Variants in GSE1 observed in about 807,000 individuals in gnomAD.
The protein encoded by GSE1 is Gse1 coiled-coil protein, also known as genetic suppressor element 1.
GSE1 carries 32 observed loss-of-function variants against 112.6 expected under a neutral mutation model. The observed-to-expected ratio is 0.28, with a 90% CI of 0.21 to 0.38. The LOEUF (loss-of-function observed/expected upper bound fraction) is 0.38. Ranked by LOEUF, GSE1 falls within the 10% of genes least tolerant of loss-of-function variation. The probability of loss-of-function intolerance (pLI) is 1.00; values close to 1 mark genes in which losing one functional copy is unlikely to be tolerated. For synonymous variants in GSE1, 1,115 were observed against 735.6 expected, an observed-to-expected ratio of 1.52 and a Z score of -8.35; for missense variants, 2,348 against 1,699.2, an observed-to-expected ratio of 1.38 and a Z score of -6.71.
chr16:85,585,002 G>A (rs903383375), intron 1 of GSE1, among the ~76,000 whole-genome samples: 9 of 152,110 alleles, frequency 5.9e-5, no homozygotes, highest in African/African-American at 9.7e-5. Context: ...AGGGAAGTCC[G>A]AAGACCTCGT....
Position 85,656,387 on chromosome 16 carries a change from G to T in GSE1, c.1034G>T (p.Arg345Leu), listed in dbSNP as rs889603665. 6.4e-7 allele frequency: 1 copy of T among 1,563,814 alleles called. No homozygotes were observed. Among genetic ancestry groups the T allele is most frequent in the South Asian group, 1.1e-5 (1 of 87,520 alleles). ...EELRREREREREREREREADR... is the reference protein window; with the variant it reads ...EELRRERERELEREREREADR... ...CTAAGGCGGGAGAGGGAGCGCGAGC[G>T]CGAGCGCGAGCGTGAGCGTGAGGCT... The change falls in exon 7 of 16, where the codon CGC becomes CTC. Residue 345 changes from arginine (R) to leucine (L), a missense_variant. Coordinates refer to ENST00000253458, the MANE Select transcript of GSE1 (RefSeq NM_014615.5).
At position 85,591,855 on chromosome 16, in the gene GSE1, A is replaced by T. The variant is rs527805915; in HGVS notation, c.37+35492A>T. 2.0e-5 allele frequency among the ~76,000 whole-genome samples: 3 copies of T among 152,372 alleles called. No individual in the cohort carries two copies. The East Asian group carries it at 5.8e-4, about 29-fold the overall frequency. ...GTTCCTGGAGCTGACTTTCCGGAGCAGCGCTGTCTGCTGGAACATTCTACA... is the reference window on the plus strand; with the variant it reads ...GTTCCTGGAGCTGACTTTCCGGAGCTGCGCTGTCTGCTGGAACATTCTACA... On this transcript the variant is annotated intron_variant, in intron 1 of 2. Transcript: ENST00000635906.
intron 2 of GSE1, among the ~76,000 whole-genome samples, chr16:85,504,998 A>G (rs2051490650): frequency 6.9e-6 from 1 of 144,766 alleles, no homozygotes; most frequent in Admixed American, 7.0e-5. Context: ...CCTCGTCAGC[A>G]TCACATGTGC....
chr16:85,252,014 G>A (rs896389617), intron 1 of GSE1, among the ~76,000 whole-genome samples: 1 of 152,208 alleles, frequency 6.6e-6, no homozygotes. Context: ...AGAGAGGTGA[G>A]TCACTGCCTG....
intron 1 of GSE1, among the ~76,000 whole-genome samples, chr16:85,198,825 C>T (rs1199742586): frequency 6.6e-6 from 1 of 152,166 alleles, no homozygotes; most frequent in Non-Finnish European, 1.5e-5. Flanking sequence ...GTCGCCCAGG[C>T]TGGAGTACAG....
chr16:85,413,893 G>C (rs557255245), intron 2 of GSE1, among the ~76,000 whole-genome samples: 3 of 152,184 alleles, frequency 2.0e-5, no homozygotes, highest in Non-Finnish European at 4.4e-5. Flanking sequence ...GAGTTCTCGT[G>C]AGATCTGATG....
chr16:85,397,124 C>A (rs1161414046), intron 2 of GSE1, among the ~76,000 whole-genome samples: 1 of 152,234 alleles, frequency 6.6e-6, no homozygotes, highest in Non-Finnish European at 1.5e-5. Flanking sequence ...CCCCTGTCCC[C>A]CATCTCCTCT....
chr16:85,663,120 T>C, intron 10 of GSE1, 27 bp downstream of exon 10: 2 of 1,468,660 alleles, frequency 1.4e-6, no homozygotes, highest in Non-Finnish European at 1.9e-6. Context: ...CCCACGGACA[T>C]GCTCTGGGCT....
chr16:85,192,267 A>G (rs1441527412), intron 1 of GSE1, among the ~76,000 whole-genome samples: 1 of 152,222 alleles, frequency 6.6e-6, no homozygotes, highest in Non-Finnish European at 1.5e-5. Flanking sequence ...TGGGGTTCAA[A>G]TCGGGGCTCT....
chr16:85,644,946 A>G (rs2050732165), intron 2 of GSE1, among the ~76,000 whole-genome samples: 1 of 152,018 alleles, frequency 6.6e-6, no homozygotes, highest in Non-Finnish European at 1.5e-5. Flanking sequence ...ATCTAAATAC[A>G]TACAGAAAAG....
chr16:85,565,406 CAAAA>C (rs71153804), intron 1 of GSE1, among the ~76,000 whole-genome samples: 6 of 141,880 alleles, frequency 4.2e-5, no homozygotes, highest in African/African-American at 1.7e-4. Context: ...AAAAAAAAAA[CAAAA>C]AAAAACAAAA....
chr16:85,672,328 C>A, intron 15 of GSE1, 77 bp from the exon 16 acceptor site: 1 of 1,074,300 alleles, frequency 9.3e-7, no homozygotes, highest in East Asian at 2.4e-5. Context: ...ACCCTTCCAT[C>A]CAGCATGTTT....
intron 2 of GSE1, among the ~76,000 whole-genome samples, chr16:85,547,524 G>C (rs1393837624): frequency 6.6e-6 from 1 of 152,152 alleles, no homozygotes; most frequent in East Asian, 1.9e-4. Flanking sequence ...TAATGTGATA[G>C]TTTAATAAAT....
intron 2 of GSE1, among the ~76,000 whole-genome samples, chr16:85,439,445 GA>G (rs1296365110): frequency 6.6e-6 from 1 of 152,224 alleles, no homozygotes; most frequent in Non-Finnish European, 1.5e-5. Context: ...GGCCGAGCAG[GA>G]GGGGGAGAGA....
In GSE1 at chr16:85,613,331, A is replaced by G. The variant is rs991202775; in HGVS notation, c.-61A>G. On this transcript the variant is annotated 5_prime_UTR_variant, in exon 1 of 16. Transcript: ENST00000253458. ...CCCGGGTGAGATAAGCAGTTTAGAC[A>G]AACACTGGGCGACGGTGGCTCCAGC... 9.6e-6 allele frequency: 15 copies of G among 1,555,938 alleles called. No individual in the cohort carries two copies. Among genetic ancestry groups the G allele is most frequent in the Non-Finnish European group, 1.3e-5 (15 of 1,150,368 alleles).
At chr16:85,383,486 C>T (rs904755848) in intron 2 of GSE1, among the ~76,000 whole-genome samples, 5 of 149,034 alleles carry the variant, frequency 3.4e-5, no homozygotes, top group African/African-American at 1.0e-4. Context: ...AACATACACG[C>T]AGAGCTCCCA....
chr16:85,399,975 G>T (rs1283517665), intron 2 of GSE1, among the ~76,000 whole-genome samples: 1 of 152,202 alleles, frequency 6.6e-6, no homozygotes, highest in African/African-American at 2.4e-5. Context: ...CCCATGGAGT[G>T]TGACCTGCCA....
At chr16:85,422,695 G>A (rs1039814721) in intron 2 of GSE1, among the ~76,000 whole-genome samples, 3 of 152,232 alleles carry the variant, frequency 2.0e-5, no homozygotes, top group African/African-American at 7.2e-5. Context: ...GAGAGATCCA[G>A]GCAGAGGCCC....
upstream of GSE1, among the ~76,000 whole-genome samples, chr16:85,610,788 T>C (rs942857667): frequency 2.6e-5 from 4 of 152,324 alleles, no homozygotes; most frequent in East Asian, 3.9e-4. Context: ...GCAGCTTGCA[T>C]GTCACCTGTG....
Sources: gnomAD v4.1 joint callset for allele counts (sites outside exome capture counted in the v4.1 genomes callset) on GRCh38, gnomAD v4.1.1 for gene constraint, MANE v1.5 for transcripts, NCBI Gene and HGNC (gene_info 2026-07-23, HGNC 2026-07-21) for gene names.